HRK: variants seen among roughly 807,000 people sequenced by gnomAD.
The protein encoded by HRK is harakiri, BCL2 interacting protein.
Under a neutral mutation model 5.9 loss-of-function variants are expected in HRK, and 6 were observed. The observed-to-expected ratio is 1.02, with a 90% CI of 0.56 to 2.01. The LOEUF (loss-of-function observed/expected upper bound fraction) is 2.01, where lower values mean the gene tolerates loss of function less well. Ranked by LOEUF, HRK falls within the 30% of genes most tolerant of loss-of-function variation. The pLI is 0.00. For missense variants in HRK, 133 were observed against 128.3 expected, an observed-to-expected ratio of 1.04 and a Z score of -0.18; for synonymous variants, 85 against 65.1, an observed-to-expected ratio of 1.31 and a Z score of -1.47.
rs982554993 is a variant in HRK at position 116,862,653 on chromosome 12, A to T, written c.*57-1187T>A. Among the ~76,000 whole-genome samples, 1 of 152,228 alleles carries T rather than the reference A, an allele frequency of 6.6e-6. No individual in the cohort carries two copies. Among genetic ancestry groups the T allele is most frequent in the Non-Finnish European group, 1.5e-5 (1 of 68,040 alleles). On this transcript the variant is annotated intron_variant, in intron 1 of 1. Transcript: ENST00000257572. This position sits in a 1 kb window ranked among gnomAD's most constrained non-coding sequence, Gnocchi z 4.0. Reference sequence around the variant, plus strand: ...CAAAGTTGACTGTGAAGATGGCTGCAAAATTCTATGTATACTCCTCATCAT... The same window carrying T: ...CAAAGTTGACTGTGAAGATGGCTGCTAAATTCTATGTATACTCCTCATCAT...
At position 116,881,122 on chromosome 12, in the gene HRK, G is replaced by T; in HGVS notation, c.186C>A (p.Pro62=). ...AAGGCCAGTAGGTGGGGAGCGCGCC[G>T]GGCGCCGGCGCCCTCCGGCTCCGCG... The part of the protein sequence containing the change: ...RRARSRRAPA[P]GALPTYWPWL... Residue 62 remains proline, a synonymous_variant, in exon 1 of 2, where the codon CCC becomes CCA. Transcript: ENST00000257572. 1 of 1,220,068 alleles carries T rather than the reference G, an allele frequency of 8.2e-7. No individual in the cohort carries two copies. The highest frequency in any genetic ancestry group is 3.7e-5 in the South Asian group (1 of 27,104). The allele number at this position is 1,220,068 out of a possible 1,614,324, so 75.6% of individuals were successfully genotyped here.
Position 116,862,617 on chromosome 12 carries a change from C to T in HRK, c.*57-1151G>A, listed in dbSNP as rs559945642. On this transcript the variant is annotated intron_variant, in intron 1 of 1. Coordinates refer to ENST00000257572, the MANE Select transcript of HRK (RefSeq NM_003806.4). This position sits in a 1 kb window ranked among gnomAD's most constrained non-coding sequence, Gnocchi z 4.0. ...GCGCATGGGGTTTCTTTCAGGGAAACGAAAATTTTCCAAAGTTGACTGTGA... is the reference window on the plus strand; with the variant it reads ...GCGCATGGGGTTTCTTTCAGGGAAATGAAAATTTTCCAAAGTTGACTGTGA... Among the ~76,000 whole-genome samples, 1 of 152,090 alleles carries T rather than the reference C, an allele frequency of 6.6e-6. No individual in the cohort carries two copies. The highest frequency in any genetic ancestry group is 1.5e-5 in the Non-Finnish European group (1 of 68,016).
In HRK at chr12:116,862,484, T is replaced by G. The variant is rs1229311185; in HGVS notation, c.*57-1018A>C. 2.6e-5 allele frequency among the ~76,000 whole-genome samples: 4 copies of G among 152,210 alleles called. No homozygotes were observed. The highest frequency in any genetic ancestry group is 5.9e-5 in the Non-Finnish European group (4 of 68,044). On this transcript the variant is annotated intron_variant, in intron 1 of 1. Transcript: ENST00000257572. The surrounding 1 kb of genome is among the most constrained non-coding windows in gnomAD (Gnocchi z 4.0). The stretch of plus-strand genomic sequence containing the variant: ...ACACAAAAGGACACATATTGTGTGA[T>G]TCCATTTATATGAAATGTCCACAAC...
intron 1 of HRK, among the ~76,000 whole-genome samples, chr12:116,873,797 ATAAGCC>A (rs1431393322): frequency 1.4e-4 from 21 of 152,320 alleles, no homozygotes; most frequent in African/African-American, 5.1e-4. Flanking sequence ...GCCATCTTGG[ATAAGCC>A]AGTTGCCTCC....
Position 116,857,264 on chromosome 12 carries a change from T to C in HRK, c.*4259A>G, listed in dbSNP as rs1276982155. 1 of 152,220 alleles carries C rather than the reference T, an allele frequency of 6.6e-6. No individual in the cohort carries two copies. Among genetic ancestry groups the C allele is most frequent in the African/African-American group, 2.4e-5 (1 of 41,454 alleles). 9.4% of individuals were successfully genotyped at this position (152,220 alleles called of 1,614,324 possible). ...TCTACAACTGGCACATTGTAGATGC[T>C]CAATCAATATATGCTAAATGAATGA... is the stretch of plus-strand genomic sequence containing the variant. On this transcript the variant is annotated 3_prime_UTR_variant, in exon 2 of 2. Coordinates refer to ENST00000257572, the MANE Select transcript of HRK (RefSeq NM_003806.4).
rs898543260 is a variant in HRK, at chr12:116,871,556, G to A, written c.*56+9420C>T. ...TGACCTCAAATGATCCACCCACCTC[G>A]GCCTCCCAAAGTGCTGGGATTATAG... On this transcript the variant is annotated intron_variant, in intron 1 of 1. Transcript: ENST00000257572. Among the ~76,000 whole-genome samples, 155 of 150,212 alleles carry A rather than the reference G, an allele frequency of 1.0e-3. 1 individual carries two copies. Among genetic ancestry groups the A allele is most frequent in the Admixed American group, 2.5e-3 (38 of 15,078 alleles).
At position 116,858,065 on chromosome 12, in the gene HRK, G is replaced by A. The variant is rs1878213958; in HGVS notation, c.*3458C>T. The A allele has an allele frequency of 1.0e-5, 1 of 99,450 alleles. No homozygotes were observed. Among genetic ancestry groups the A allele is most frequent in the African/African-American group, 3.7e-5 (1 of 26,880 alleles). The allele number at this position is 99,450 out of a possible 1,614,324, so 6.2% of individuals were successfully genotyped here. A position where few individuals can be genotyped will look rare whatever the true frequency, so the allele number is the denominator to read the frequency against. ...TGAGACTCTGTCTCAAAATAAAATA[G>A]AAGAAGAAGAAGAAGTGGAAAAGAA... is the stretch of plus-strand genomic sequence containing the variant. On this transcript the variant is annotated 3_prime_UTR_variant, in exon 2 of 2. Transcript: ENST00000257572.
intron 1 of HRK, chr12:116,867,882 G>A (rs1878602562): frequency 6.6e-6 from 1 of 152,162 alleles, no homozygotes; most frequent in Non-Finnish European, 1.5e-5. Context: ...GGGTGTCTAT[G>A]CATCAAGGGA....
At chr12:116,868,721 C>T (rs1002742840) in intron 1 of HRK, among the ~76,000 whole-genome samples, 1 of 152,204 alleles carries the variant, frequency 6.6e-6, no homozygotes, top group Non-Finnish European at 1.5e-5. Context: ...TGCTGGGATA[C>T]AGTAATGGGC....
chr12:116,865,645 T>G (rs1878516109), intron 1 of HRK, among the ~76,000 whole-genome samples: 1 of 152,214 alleles, frequency 6.6e-6, no homozygotes, highest in Non-Finnish European at 1.5e-5. Context: ...GGAAAGCCCC[T>G]TCAACCCAAC....
chr12:116,867,806 G>A (rs1878599999), intron 1 of HRK: 1 of 152,110 alleles, frequency 6.6e-6, no homozygotes, highest in Non-Finnish European at 1.5e-5. Context: ...TTTTAGTGAG[G>A]AAAAAGCAGG....
intron 1 of HRK, among the ~76,000 whole-genome samples, chr12:116,875,629 C>T (rs546203074): frequency 3.9e-5 from 6 of 152,224 alleles, no homozygotes; most frequent in African/African-American, 1.4e-4. Context: ...CTGCAACCTC[C>T]GCCTCCTGGG....
At chr12:116,868,563 T>G (rs749946627) in intron 1 of HRK, among the ~76,000 whole-genome samples, 4 of 152,242 alleles carry the variant, frequency 2.6e-5, no homozygotes, top group African/African-American at 4.8e-5. Context: ...ATCCAAACTA[T>G]GTTTTCTGTC....
rs1432579685 is a variant in HRK, at chr12:116,879,366, C to G, written c.*56+1610G>C. 3 of 152,282 alleles carry G rather than the reference C, an allele frequency of 2.0e-5. No individual in the cohort carries two copies. The highest frequency in any genetic ancestry group is 2.9e-5 in the Non-Finnish European group (2 of 68,066). The allele number at this position is 152,282 out of a possible 1,614,324, so 9.4% of individuals were successfully genotyped here. A position where few individuals can be genotyped will look rare whatever the true frequency, so the allele number is the denominator to read the frequency against. On this transcript the variant is annotated intron_variant, in intron 1 of 1. Transcript: ENST00000257572. This position sits in a 1 kb window ranked among gnomAD's most constrained non-coding sequence, Gnocchi z 5.6. The stretch of plus-strand genomic sequence containing the variant: ...CTTCTTGTCCCTCCCCATCTCGTCG[C>G]TTGTTTTTTCTCTTCCTCTTCGCCC...
intron 1 of HRK, among the ~76,000 whole-genome samples, chr12:116,865,295 A>G (rs1593004830): frequency 6.6e-6 from 1 of 152,014 alleles, no homozygotes; most frequent in Non-Finnish European, 1.5e-5. Flanking sequence ...TAATTCCAGC[A>G]CTTTGGGAGG....
intron 1 of HRK, among the ~76,000 whole-genome samples, chr12:116,877,567 T>C (rs1878982935): frequency 6.6e-6 from 1 of 152,162 alleles, no homozygotes; most frequent in African/African-American, 2.4e-5. Flanking sequence ...AGGAGTGGTG[T>C]GGAATGGCCA....
chr12:116,859,098 G>C lies in HRK; in HGVS notation c.*2425C>G, dbSNP rs1365665758. ...ATAAAACAGGAGAATATCTACAAGG[G>C]ACTTGGCTGAGAAGCTCTATCAGGA... On this transcript the variant is annotated 3_prime_UTR_variant, in exon 2 of 2. Transcript: ENST00000257572. The C allele has an allele frequency of 1.3e-5, 2 of 152,144 alleles. No homozygotes were observed. The highest frequency in any genetic ancestry group is 2.9e-5 in the Non-Finnish European group (2 of 68,036). 9.4% of individuals were successfully genotyped at this position (152,144 alleles called of 1,614,324 possible).
At chr12:116,864,343 C>T (rs1207303788) in intron 1 of HRK, among the ~76,000 whole-genome samples, 2 of 152,170 alleles carry the variant, frequency 1.3e-5, no homozygotes, top group Non-Finnish European at 2.9e-5. Context: ...TGGTTATCCG[C>T]ACCAGATAAG....
intron 1 of HRK, among the ~76,000 whole-genome samples, chr12:116,866,390 C>CA (rs965013066): frequency 0.049 from 2,689 of 54,464 alleles, 80 homozygotes; most frequent in African/African-American, 0.12. Context: ...GACCCTGTCT[C>CA]AAAAAAAAAA....
Sources: allele counts gnomAD v4.1 joint callset (sites outside exome capture counted in the v4.1 genomes callset), GRCh38; gene constraint gnomAD v4.1.1; non-coding constraint Gnocchi (gnomAD v3.1); transcripts MANE v1.5; gene names NCBI Gene and HGNC (gene_info 2026-07-23, HGNC 2026-07-21).